The following GALNT14 variants were observed in gnomAD, a reference collection of about 807,000 sequenced individuals.
GALNT14 encodes UDP-GalNAc:polypeptide N-acetylgalactosaminyltransferase 14.
A neutral mutation model predicts 77.5 loss-of-function variants in GALNT14; 60 were observed. The ratio of observed to expected loss-of-function variants is 0.77; its 90% confidence interval spans 0.63 to 0.96. GALNT14 has a LOEUF of 0.96. Ranked by LOEUF, GALNT14 falls within the 40% of genes least tolerant of loss-of-function variation. The pLI, the probability that GALNT14 is intolerant of heterozygous loss-of-function variation, is 0.00. For missense variants in GALNT14, 710 were observed against 731.0 expected, an observed-to-expected ratio of 0.97 and a Z score of 0.33; for synonymous variants, 280 against 281.7, an observed-to-expected ratio of 0.99 and a Z score of 0.06.
chr2:30,923,307 AC>A (rs1402584308), intron 13 of GALNT14, among the ~76,000 whole-genome samples: 1 of 151,992 alleles, frequency 6.6e-6, no homozygotes, highest in Non-Finnish European at 1.5e-5. Flanking sequence ...TAGGTGATCC[AC>A]CCACCTTGAC....
chr2:30,920,534 T>C lies in GALNT14; in HGVS notation c.1380+3585A>G, dbSNP rs565513791. On this transcript the variant is annotated intron_variant, in intron 13 of 14. Coordinates refer to ENST00000349752, the MANE Select transcript of GALNT14 (RefSeq NM_024572.4). ...AAAGCCCAGTGTTAGCAGAAGGGGTTGGGAAGTGGGAAAACAGGACATTTA... is the reference window on the plus strand; with the variant it reads ...AAAGCCCAGTGTTAGCAGAAGGGGTCGGGAAGTGGGAAAACAGGACATTTA... Among the ~76,000 whole-genome samples the C allele has an allele frequency of 3.2e-4, 49 of 151,510 alleles. 1 individual carries two copies. In the South Asian group the frequency reaches 0.01, roughly 31 times the overall value.
intron 1 of GALNT14, among the ~76,000 whole-genome samples, chr2:30,995,115 C>T (rs1669940905): frequency 7.3e-6 from 1 of 137,362 alleles, no homozygotes; most frequent in Non-Finnish European, 1.6e-5. Context: ...GTCCTCTAGA[C>T]AAGCAGAACC....
At chr2:30,998,592 C>T (rs745490710) in intron 1 of GALNT14, among the ~76,000 whole-genome samples, 1 of 152,190 alleles carries the variant, frequency 6.6e-6, no homozygotes, top group African/African-American at 2.4e-5. Flanking sequence ...AATCAGCTAA[C>T]ACCCAGGAAG....
In GALNT14 at chr2:30,924,146, C is replaced by T. The variant is rs1665205070; in HGVS notation, c.1353G>A (p.Lys451=). ...TPNLKLSPCA[K]VKGEDAKSQV... ...GGGACTTTGCATCTTCGCCTTTGAC[C>T]TTGGCACAGGGGCTCAACTTTAGGT... Residue 451 remains lysine (K), a synonymous_variant, in exon 13 of 15, where the codon AAG becomes AAA. Coordinates refer to ENST00000349752, the MANE Select transcript of GALNT14 (RefSeq NM_024572.4). The T allele has an allele frequency of 3.7e-6, 6 of 1,614,222 alleles. No individual in the cohort carries two copies. Among genetic ancestry groups the T allele is most frequent in the Non-Finnish European group, 5.1e-6 (6 of 1,180,050 alleles).
chr2:30,914,510 A>G (rs1021054812), intron 13 of GALNT14, among the ~76,000 whole-genome samples: 1 of 152,164 alleles, frequency 6.6e-6, no homozygotes, highest in South Asian at 2.1e-4. Context: ...CCCCCTTGCC[A>G]AGGTCTGGGG....
rs929193280 is a variant in GALNT14 at position 31,079,019 on chromosome 2, A to G, written c.129+58939T>C. ...ACAGTGGGCTGCTGAAATTGCATTC[A>G]GAACGAAATGGGTAGGCTCAGGTGT... On this transcript the variant is annotated intron_variant, in intron 1 of 14. Transcript: ENST00000349752. 9 of 1,287,588 alleles carry G rather than the reference A, an allele frequency of 7.0e-6. No individual in the cohort carries two copies. In the Admixed American group the frequency reaches 2.1e-4, roughly 30 times the overall value. 79.8% of individuals were successfully genotyped at this position (1,287,588 alleles called of 1,614,324 possible). A position where few individuals can be genotyped will look rare whatever the true frequency, so the allele number is the denominator to read the frequency against.
chr2:31,040,651 C>A (rs1673045407), intron 1 of GALNT14, among the ~76,000 whole-genome samples: 1 of 152,156 alleles, frequency 6.6e-6, no homozygotes, highest in South Asian at 2.1e-4. Flanking sequence ...ATCCTCAACC[C>A]AAGGAGCTCT....
intron 1 of GALNT14, among the ~76,000 whole-genome samples, chr2:31,100,115 G>A (rs1433357831): frequency 6.6e-6 from 1 of 151,702 alleles, no homozygotes; most frequent in Admixed American, 6.6e-5. Flanking sequence ...TACATTTCTT[G>A]TTGTTATTGT....
At chr2:31,001,536 G>A (rs1670369403) in intron 1 of GALNT14, among the ~76,000 whole-genome samples, 1 of 152,132 alleles carries the variant, frequency 6.6e-6, no homozygotes, top group South Asian at 2.1e-4. Context: ...CTGGCTCCCA[G>A]AAGAAGCAAA....
At chr2:31,127,423 A>G (rs2148646628) in intron 1 of GALNT14, among the ~76,000 whole-genome samples, 1 of 152,390 alleles carries the variant, frequency 6.6e-6, no homozygotes, top group East Asian at 1.9e-4. Context: ...AAATTCAAAT[A>G]TCTGCTTCCA....
intron 1 of GALNT14, among the ~76,000 whole-genome samples, chr2:31,110,639 A>G (rs1178453318): frequency 1.3e-5 from 2 of 152,140 alleles, no homozygotes; most frequent in Non-Finnish European, 2.9e-5. Context: ...AGAAGAACCA[A>G]GGTTCACACG....
At chr2:30,925,521 T>A (rs1665319091) in intron 11 of GALNT14, among the ~76,000 whole-genome samples, 1 of 152,056 alleles carries the variant, frequency 6.6e-6, no homozygotes, top group Admixed American at 6.5e-5. Context: ...GGGGACATTA[T>A]CTAGACAAAC....
chr2:30,976,606 C>CGTGTGTGTGTGTGTGTGTGT (rs550215452), intron 2 of GALNT14, among the ~76,000 whole-genome samples: 2 of 144,250 alleles, frequency 1.4e-5, no homozygotes, highest in South Asian at 4.4e-4. Context: ...TGTGCATGTG[C>CGTGTGTGTGTGTGTGTGTGT]GTGTGCGTGT....
chr2:31,058,377 G>A (rs761727796), intron 1 of GALNT14, among the ~76,000 whole-genome samples: 6 of 152,244 alleles, frequency 3.9e-5, no homozygotes, highest in South Asian at 2.1e-4. Flanking sequence ...GGGCGTTCTC[G>A]GTGAGTCTGC....
At chr2:30,962,833 T>C (rs901859063) in intron 3 of GALNT14, among the ~76,000 whole-genome samples, 8 of 152,196 alleles carry the variant, frequency 5.3e-5, no homozygotes, top group African/African-American at 1.7e-4. Flanking sequence ...GATCCCTTTA[T>C]TGAAGACCTC....
intron 1 of GALNT14, among the ~76,000 whole-genome samples, chr2:31,076,343 A>G (rs78821046): frequency 6.6e-6 from 1 of 152,274 alleles, no homozygotes; most frequent in African/African-American, 2.4e-5. Flanking sequence ...CGTAGCTCCT[A>G]AGTGCCAGGC....
At chr2:31,025,785 G>A (rs1325270039) in intron 1 of GALNT14, among the ~76,000 whole-genome samples, 1 of 152,178 alleles carries the variant, frequency 6.6e-6, no homozygotes, top group East Asian at 1.9e-4. Context: ...CTATTCTGGG[G>A]TCTGACAAGT....
intron 1 of GALNT14, among the ~76,000 whole-genome samples, chr2:31,072,697 C>T (rs779798022): frequency 2.6e-5 from 4 of 152,172 alleles, no homozygotes; most frequent in Middle Eastern, 3.4e-3. Flanking sequence ...TGACTTCCCT[C>T]GAAGCCTTCT....
chr2:31,060,555 A>G (rs771636335), intron 1 of GALNT14, among the ~76,000 whole-genome samples: 2 of 152,192 alleles, frequency 1.3e-5, no homozygotes, highest in Non-Finnish European at 2.9e-5. Flanking sequence ...CTAACCATTA[A>G]CTACAGTCCT....
Sources: allele counts gnomAD v4.1 joint callset (sites outside exome capture counted in the v4.1 genomes callset), GRCh38; gene constraint gnomAD v4.1.1; transcripts MANE v1.5; gene names NCBI Gene and HGNC (gene_info 2026-07-23, HGNC 2026-07-21).